Variants in SGCD observed in about 807,000 individuals in gnomAD.
The protein encoded by SGCD is delta-sarcoglycan.
Under a neutral mutation model 36.6 loss-of-function variants are expected in SGCD, and 18 were observed. The ratio of observed to expected loss-of-function variants is 0.49; its 90% CI spans 0.34 to 0.73. The LOEUF (loss-of-function observed/expected upper bound fraction) is 0.73. SGCD is among the 30% of genes least tolerant of loss of function. The probability of loss-of-function intolerance (pLI) is 0.01; values close to 1 mark genes in which losing one functional copy is unlikely to be tolerated. For missense variants in SGCD, 387 were observed against 346.7 expected, an observed-to-expected ratio of 1.12 and a Z score of -0.92; for synonymous variants, 133 against 130.6, an observed-to-expected ratio of 1.02 and a Z score of -0.12.
chr5:156,507,718 T>C (rs767066295), intron 3 of SGCD, among the ~76,000 whole-genome samples: 2 of 152,206 alleles, frequency 1.3e-5, no homozygotes, highest in Non-Finnish European at 2.9e-5. Context: ...TAAAATGACA[T>C]TTATCAAATA....
chr5:156,554,826 A>G (rs938413492), intron 4 of SGCD, among the ~76,000 whole-genome samples: 3 of 152,028 alleles, frequency 2.0e-5, no homozygotes, highest in African/African-American at 7.2e-5. Context: ...AGTGTTTTCC[A>G]CAGTAGCTGC....
Position 156,508,582 on chromosome 5 carries a change from T to C in SGCD, c.193-19T>C, listed in dbSNP as rs531805417. Reference sequence around the variant, plus strand: ...TTGGCTAATCATATCTTCCTTGTTATCTCTGTGTTCTATTTCAGGATGGAA... The same window carrying C: ...TTGGCTAATCATATCTTCCTTGTTACCTCTGTGTTCTATTTCAGGATGGAA... On this transcript the variant is annotated intron_variant, in intron 3 of 8. Transcript: ENST00000337851. 1 of 1,505,436 alleles carries C rather than the reference T, an allele frequency of 6.6e-7. No homozygotes were observed. The highest frequency in any genetic ancestry group is 1.4e-5 in the African/African-American group (1 of 72,966). 93.3% of individuals were successfully genotyped at this position (1,505,436 alleles called of 1,614,324 possible).
intron 3 of SGCD, among the ~76,000 whole-genome samples, chr5:156,307,735 A>C (rs1438164806): frequency 1.3e-5 from 2 of 151,756 alleles, no homozygotes; most frequent in African/African-American, 2.4e-5. Flanking sequence ...ATATTATAAC[A>C]TTCCTATTTT....
chr5:156,727,901 T>C (rs1486763425), intron 7 of SGCD, among the ~76,000 whole-genome samples: 1 of 152,224 alleles, frequency 6.6e-6, no homozygotes. Flanking sequence ...GGTAAAACTT[T>C]CCTGTTTACC....
At chr5:156,426,975 G>A (rs78860971) in intron 3 of SGCD, among the ~76,000 whole-genome samples, 2,438 of 152,172 alleles carry the variant, frequency 0.016, 72 homozygotes, top group African/African-American at 0.056. Flanking sequence ...TTTGAGTAAT[G>A]TGGTGCCTCC....
chr5:156,736,809 A>C (rs540411699), intron 7 of SGCD, among the ~76,000 whole-genome samples: 1 of 152,302 alleles, frequency 6.6e-6, no homozygotes, highest in South Asian at 2.1e-4. Context: ...TTATTATTGA[A>C]TGTAATCACT....
intron 6 of SGCD, among the ~76,000 whole-genome samples, chr5:156,639,527 G>A (rs1762951364): frequency 1.3e-5 from 2 of 152,158 alleles, no homozygotes; most frequent in East Asian, 1.9e-4. Flanking sequence ...TCGGTATCTG[G>A]TACCCAATAT....
At chr5:156,488,237 G>C (rs1755790213) in intron 3 of SGCD, among the ~76,000 whole-genome samples, 1 of 151,112 alleles carries the variant, frequency 6.6e-6, no homozygotes, top group Non-Finnish European at 1.5e-5. Flanking sequence ...CTGGACAATG[G>C]CATAGAAATC....
chr5:155,732,373 C>A, the SGCD span, among the ~76,000 whole-genome samples: 2 of 152,212 alleles, frequency 1.3e-5, no homozygotes, highest in African/African-American at 4.8e-5. Flanking sequence ...ACTTCAAGAT[C>A]TCTGGTCCTA....
intron 1 of SGCD, among the ~76,000 whole-genome samples, chr5:156,054,694 A>G (rs1760017645): frequency 6.8e-6 from 1 of 146,948 alleles, no homozygotes; most frequent in Non-Finnish European, 1.5e-5. Context: ...TTTCTTTATC[A>G]TATACATGTG....
chr5:156,080,973 G>A (rs1760935053), intron 1 of SGCD, among the ~76,000 whole-genome samples: 1 of 152,050 alleles, frequency 6.6e-6, no homozygotes, highest in Non-Finnish European at 1.5e-5. Context: ...TATGTGTTAG[G>A]CCATTCCTGC....
intron 4 of SGCD, among the ~76,000 whole-genome samples, chr5:156,537,459 CCACACACACACACACACACA>C (rs769070218): frequency 4.8e-5 from 6 of 125,802 alleles, no homozygotes; most frequent in East Asian, 2.3e-4. Flanking sequence ...AAGGTAGCAG[CCACACACACACACACACACA>C]CACACACACA....
intron 1 of SGCD, among the ~76,000 whole-genome samples, chr5:155,955,676 T>C (rs532894021): frequency 6.6e-6 from 1 of 152,154 alleles, no homozygotes; most frequent in South Asian, 2.1e-4. Flanking sequence ...GACACACACA[T>C]GAGCATGTTG....
intron 3 of SGCD, among the ~76,000 whole-genome samples, chr5:156,312,551 G>A (rs1214914464): frequency 6.6e-6 from 1 of 152,082 alleles, no homozygotes; most frequent in Non-Finnish European, 1.5e-5. Flanking sequence ...TTCATTAATA[G>A]CAATGAGAAG....
intron 7 of SGCD, among the ~76,000 whole-genome samples, chr5:156,717,096 A>C (rs1193343371): frequency 6.6e-6 from 1 of 152,232 alleles, no homozygotes; most frequent in Non-Finnish European, 1.5e-5. Flanking sequence ...TAAAGCATTT[A>C]CCTGGGCACC....
At position 156,729,142 on chromosome 5, in the gene SGCD, T is replaced by C. The variant is rs1016008554; in HGVS notation, c.576-28439T>C. On this transcript the variant is annotated intron_variant, in intron 7 of 8. Transcript: ENST00000337851. Reference sequence around the variant, plus strand: ...ATTATTAGCAGAGATATCTGTACCATGTAGAGAATTTGCTTTGCATCAAAA... The same window carrying C: ...ATTATTAGCAGAGATATCTGTACCACGTAGAGAATTTGCTTTGCATCAAAA... Among the ~76,000 whole-genome samples, 12 of 152,348 alleles carry C rather than the reference T, an allele frequency of 7.9e-5. No individual in the cohort carries two copies. The South Asian group carries it at 2.1e-3, about 26-fold the overall frequency.
At chr5:156,285,540 A>C (rs906026146) in intron 3 of SGCD, among the ~76,000 whole-genome samples, 5 of 152,136 alleles carry the variant, frequency 3.3e-5, no homozygotes, top group Admixed American at 6.6e-5. Context: ...ACTATCTGAT[A>C]TTTGACAAAC....
At chr5:156,572,348 C>T (rs978482613) in intron 4 of SGCD, among the ~76,000 whole-genome samples, 1 of 152,136 alleles carries the variant, frequency 6.6e-6, no homozygotes, top group Non-Finnish European at 1.5e-5. Context: ...CAGTCGCACC[C>T]TTTTACATTC....
chr5:156,325,201 AG>A (rs1433757838), upstream of SGCD, among the ~76,000 whole-genome samples: 1 of 152,022 alleles, frequency 6.6e-6, no homozygotes, highest in African/African-American at 2.4e-5. Flanking sequence ...TGTTCCAATA[AG>A]GCTTCAGGAC....
Sources: gnomAD v4.1 joint callset for allele counts (sites outside exome capture counted in the v4.1 genomes callset) on GRCh38, gnomAD v4.1.1 for gene constraint, MANE v1.5 for transcripts, NCBI Gene and HGNC (gene_info 2026-07-23, HGNC 2026-07-21) for gene names.